The following SPIDR variants were observed in gnomAD, a reference collection of about 807,000 sequenced individuals.
SPIDR encodes the protein DNA repair-scaffolding protein.
A neutral mutation model predicts 104.6 loss-of-function variants in SPIDR; 93 were observed. That is an observed-to-expected ratio of 0.89 (90% CI 0.75 to 1.06). The LOEUF (loss-of-function observed/expected upper bound fraction) is 1.06, where lower values mean the gene tolerates loss of function less well. SPIDR is among the 50% of genes least tolerant of loss of function. The pLI, the probability that SPIDR is intolerant of heterozygous loss-of-function variation, is 0.00. For synonymous variants in SPIDR, 431 were observed against 416.9 expected (o/e 1.03, Z -0.41); for missense variants, 1,154 against 1,111.2 (o/e 1.04, Z -0.55).
intron 5 of SPIDR, among the ~76,000 whole-genome samples, chr8:47,301,106 A>T (rs1284114267): frequency 1.6e-4 from 24 of 152,160 alleles, no homozygotes; most frequent in Admixed American, 1.4e-3. Flanking sequence ...GTCTCTAAGG[A>T]CTTGCTTTAT....
intron 8 of SPIDR, among the ~76,000 whole-genome samples, chr8:47,580,203 A>G (rs749081424): frequency 1.6e-4 from 25 of 152,296 alleles, no homozygotes; most frequent in South Asian, 2.1e-4. Context: ...AATGATTGTG[A>G]TTCTTTTTAA....
chr8:47,291,657 T>C (rs1457651370), intron 4 of SPIDR, among the ~76,000 whole-genome samples: 1 of 152,218 alleles, frequency 6.6e-6, no homozygotes, highest in Non-Finnish European at 1.5e-5. Context: ...AGATATTATT[T>C]TTACAGTTAA....
At chr8:47,704,845 A>G (rs2080845172) in intron 14 of SPIDR, among the ~76,000 whole-genome samples, 1 of 152,140 alleles carries the variant, frequency 6.6e-6, no homozygotes, top group Non-Finnish European at 1.5e-5. Flanking sequence ...CCCAGCAAGG[A>G]CGAGGCAGGG....
chr8:47,371,081 G>C (rs1031296833), intron 5 of SPIDR, among the ~76,000 whole-genome samples: 1 of 149,958 alleles, frequency 6.7e-6, no homozygotes, highest in South Asian at 2.1e-4. Flanking sequence ...CTTACAAGCA[G>C]CAGTGGGACT....
In SPIDR at chr8:47,323,045, A is replaced by C. The variant is rs546022205; in HGVS notation, c.525+29015A>C. ...ATGGCACATGTATACATATGTAACTAACCTGCACATTGTGCGCATGTACCC... is the reference window on the plus strand; with the variant it reads ...ATGGCACATGTATACATATGTAACTCACCTGCACATTGTGCGCATGTACCC... On this transcript the variant is annotated intron_variant, in intron 5 of 19. Transcript: ENST00000297423. 4.1e-4 allele frequency among the ~76,000 whole-genome samples: 62 copies of C among 152,228 alleles called. 1 individual carries two copies. In the South Asian group the frequency reaches 0.013, roughly 32 times the overall value.
chr8:47,604,673 GA>G (rs2062727423), intron 10 of SPIDR, among the ~76,000 whole-genome samples: 1 of 152,224 alleles, frequency 6.6e-6, no homozygotes, highest in Admixed American at 6.5e-5. Flanking sequence ...GGAATGTTCA[GA>G]GAGTGAGCCT....
chr8:47,343,963 T>C (rs1330121697), intron 5 of SPIDR, among the ~76,000 whole-genome samples: 6 of 151,668 alleles, frequency 4.0e-5, no homozygotes, highest in Non-Finnish European at 8.8e-5. Flanking sequence ...GTTGGCTTTT[T>C]CTTTTTTTTT....
chr8:47,539,862 C>T (rs977622917), intron 8 of SPIDR, among the ~76,000 whole-genome samples: 1 of 152,112 alleles, frequency 6.6e-6, no homozygotes, highest in Non-Finnish European at 1.5e-5. Context: ...TCCTCTCTCT[C>T]CATGGTGGGA....
intron 11 of SPIDR, among the ~76,000 whole-genome samples, chr8:47,679,419 G>T (rs887805261): frequency 1.0e-4 from 5 of 47,690 alleles, no homozygotes; most frequent in Admixed American, 7.4e-4. Flanking sequence ...ACCTTCCCCC[G>T]CCCCCTCCAG....
intron 1 of SPIDR, among the ~76,000 whole-genome samples, chr8:47,275,412 T>C (rs959222418): frequency 2.0e-5 from 3 of 152,204 alleles, no homozygotes; most frequent in Admixed American, 6.5e-5. Context: ...ACATTATTTT[T>C]TTTAAATTTA....
Position 47,735,468 on chromosome 8 carries a change from G to C in SPIDR, c.*18G>C. 2.5e-6 allele frequency: 4 copies of C among 1,614,190 alleles called. No individual in the cohort carries two copies. The highest frequency in any genetic ancestry group is 3.4e-6 in the Non-Finnish European group (4 of 1,180,046). The stretch of plus-strand genomic sequence containing the variant: ...AACACTAGCGGTTGCCGCAGGATCT[G>C]TGAACTTTGCAATGTGGCTGCAAGG... On this transcript the variant is annotated 3_prime_UTR_variant, in exon 20 of 20. Coordinates refer to ENST00000297423, the MANE Select transcript of SPIDR (RefSeq NM_001080394.4).
chr8:47,687,450 G>A (rs2077967123), intron 11 of SPIDR, among the ~76,000 whole-genome samples: 1 of 152,100 alleles, frequency 6.6e-6, no homozygotes, highest in Admixed American at 6.5e-5. Context: ...GTTGTTTCTG[G>A]TGTTTACCAC....
chr8:47,525,804 G>A (rs1230961952), intron 8 of SPIDR, among the ~76,000 whole-genome samples: 2 of 152,016 alleles, frequency 1.3e-5, no homozygotes, highest in South Asian at 2.1e-4. Context: ...CACAAGGCAC[G>A]GTGGTAGCAC....
intron 5 of SPIDR, among the ~76,000 whole-genome samples, chr8:47,364,602 G>T (rs1563750006): frequency 6.6e-6 from 1 of 152,094 alleles, no homozygotes; most frequent in Non-Finnish European, 1.5e-5. Context: ...TTCACAAATA[G>T]AATTCTCATT....
chr8:47,331,989 CTTTTTTTTTTT>C (rs1289524835), intron 5 of SPIDR, among the ~76,000 whole-genome samples: 1 of 36,322 alleles, frequency 2.8e-5, no homozygotes, highest in Non-Finnish European at 5.5e-5. Context: ...TTTTTTTTCT[CTTTTTTTTTTT>C]TTTTTTTTTT....
At chr8:47,480,070 T>TTTTCCTGTTTAAAGTA (rs1554726104) in intron 8 of SPIDR, among the ~76,000 whole-genome samples, 3 of 152,206 alleles carry the variant, frequency 2.0e-5, no homozygotes, top group African/African-American at 7.2e-5. Flanking sequence ...TCTTCACCTA[T>TTTTCCTGTTTAAAGTA]TTTACCAGTA....
At chr8:47,269,074 A>G (rs2034703418) in intron 1 of SPIDR, among the ~76,000 whole-genome samples, 1 of 151,974 alleles carries the variant, frequency 6.6e-6, no homozygotes, top group Non-Finnish European at 1.5e-5. Context: ...GGCTGAGGCA[A>G]GAGGATTGCT....
chr8:47,470,098 A>T (rs948339323), intron 8 of SPIDR, among the ~76,000 whole-genome samples: 2 of 152,156 alleles, frequency 1.3e-5, no homozygotes, highest in African/African-American at 4.8e-5. Context: ...TAGCCAAAAA[A>T]TTTTGAAAAG....
At chr8:47,712,159 T>C (rs577335005) in intron 14 of SPIDR, among the ~76,000 whole-genome samples, 4 of 152,138 alleles carry the variant, frequency 2.6e-5, no homozygotes, top group Admixed American at 6.5e-5. Context: ...TGAAAAAATA[T>C]AGAAGGAAAG....
Sources: gnomAD v4.1 joint callset for allele counts (sites outside exome capture counted in the v4.1 genomes callset) on GRCh38, gnomAD v4.1.1 for gene constraint, MANE v1.5 for transcripts, NCBI Gene and HGNC (gene_info 2026-07-23, HGNC 2026-07-21) for gene names.